Variants in CHRM3 observed in about 807,000 individuals in gnomAD.
CHRM3 encodes cholinergic receptor muscarinic 3, also known as muscarinic acetylcholine receptor M3.
Under a neutral mutation model 41.8 loss-of-function variants are expected in CHRM3, and 11 were observed. The observed-to-expected ratio is 0.26, with a 90% CI of 0.17 to 0.44. The LOEUF is 0.44. CHRM3 is among the 20% of genes least tolerant of loss of function. The pLI is 1.00. For synonymous variants in CHRM3, 297 were observed against 301.4 expected, an observed-to-expected ratio of 0.99 and a Z score of 0.15; for missense variants, 571 against 745.4, an observed-to-expected ratio of 0.77 and a Z score of 2.72.
At chr1:239,696,872 C>T (rs1447530443) in intron 5 of CHRM3, among the ~76,000 whole-genome samples, 1 of 152,184 alleles carries the variant, frequency 6.6e-6, no homozygotes, top group African/African-American at 2.4e-5. Context: ...CCTTTTCGTT[C>T]CCTCTAATTA....
At chr1:239,574,595 C>T (rs1335755826) in intron 3 of CHRM3, among the ~76,000 whole-genome samples, 1 of 152,108 alleles carries the variant, frequency 6.6e-6, no homozygotes, top group Non-Finnish European at 1.5e-5. Context: ...TTGGCATAAT[C>T]AAATTATTCT....
At chr1:239,495,132 C>A (rs997388446) in intron 2 of CHRM3, among the ~76,000 whole-genome samples, 1 of 152,132 alleles carries the variant, frequency 6.6e-6, no homozygotes, top group Non-Finnish European at 1.5e-5. Context: ...TTCTTGAACT[C>A]TATGCTTACA....
intron 6 of CHRM3, among the ~76,000 whole-genome samples, chr1:239,854,334 C>T (rs1371061714): frequency 6.6e-6 from 1 of 152,002 alleles, no homozygotes; most frequent in Non-Finnish European, 1.5e-5. Flanking sequence ...CTATTGAGCT[C>T]CTTTGTGCCA....
chr1:239,739,075 G>A (rs1664626537), intron 5 of CHRM3, among the ~76,000 whole-genome samples: 1 of 152,170 alleles, frequency 6.6e-6, no homozygotes, highest in African/African-American at 2.4e-5. Flanking sequence ...GCTGTTCTGA[G>A]CAGATTCTAT....
intron 5 of CHRM3, among the ~76,000 whole-genome samples, chr1:239,817,892 A>G (rs1054746902): frequency 1.1e-4 from 17 of 152,172 alleles, no homozygotes; most frequent in African/African-American, 3.1e-4. Flanking sequence ...TAGAGAAATG[A>G]CTTTCCTTTC....
chr1:239,894,502 A>G (rs112859166), intron 6 of CHRM3, among the ~76,000 whole-genome samples: 12,900 of 152,148 alleles, frequency 0.085, 590 homozygotes, highest in Non-Finnish European at 0.1. Flanking sequence ...GCACGATCTC[A>G]GCTCACTGCA....
At chr1:239,877,813 C>T (rs534272725) in intron 6 of CHRM3, among the ~76,000 whole-genome samples, 1 of 151,776 alleles carries the variant, frequency 6.6e-6, no homozygotes, top group African/African-American at 2.4e-5. Context: ...GACAATTTTT[C>T]TGTGATGGGG....
rs190017063 is a variant in CHRM3 at position 239,678,224 on chromosome 1, G to A, written c.-211G>A. On this transcript the variant is annotated 5_prime_UTR_variant, in exon 5 of 7. Coordinates refer to ENST00000676153, the MANE Select transcript of CHRM3 (RefSeq NM_001375978.1). ...GTGGCACCTGGTCTCTTTCTAGAAG[G>A]AAAGTTCAACATACAGCACAATTCT... 3.2e-3 allele frequency: 492 copies of A among 152,242 alleles called. 1 individual carries two copies. The highest frequency in any genetic ancestry group is 0.011 in the African/African-American group (471 of 41,512). The allele number at this position is 152,242 out of a possible 1,614,324, so 9.4% of individuals were successfully genotyped here. A position where few individuals can be genotyped will look rare whatever the true frequency, so the allele number is the denominator to read the frequency against.
intron 5 of CHRM3, among the ~76,000 whole-genome samples, chr1:239,786,873 T>C (rs145330621): frequency 3.7e-3 from 563 of 151,798 alleles, no homozygotes; most frequent in Non-Finnish European, 6.2e-3. Context: ...TACCAGGTCA[T>C]GGAAAATCCT....
intron 5 of CHRM3, among the ~76,000 whole-genome samples, chr1:239,816,284 A>G (rs530620446): frequency 6.6e-6 from 1 of 152,296 alleles, no homozygotes; most frequent in South Asian, 2.1e-4. Flanking sequence ...GCCTTTCTTC[A>G]AAGACGTGGT....
At chr1:239,552,977 G>A (rs368100785) in intron 3 of CHRM3, among the ~76,000 whole-genome samples, 1 of 151,898 alleles carries the variant, frequency 6.6e-6, no homozygotes, top group African/African-American at 2.4e-5. Flanking sequence ...AACAATAATG[G>A]CCACCATACC....
At chr1:239,604,664 A>G (rs1001158075) in intron 3 of CHRM3, among the ~76,000 whole-genome samples, 2 of 152,188 alleles carry the variant, frequency 1.3e-5, no homozygotes, top group Non-Finnish European at 2.9e-5. Flanking sequence ...GCTTGCAAAT[A>G]ATCCAAGAGA....
intron 1 of CHRM3, among the ~76,000 whole-genome samples, chr1:239,430,628 A>C (rs1024533721): frequency 6.6e-5 from 10 of 152,022 alleles, no homozygotes; most frequent in Admixed American, 3.3e-4. Flanking sequence ...CTAAAATCAC[A>C]AGATTTTTTC....
intron 6 of CHRM3, among the ~76,000 whole-genome samples, chr1:239,837,543 A>C (rs1673427954): frequency 6.6e-6 from 1 of 152,204 alleles, no homozygotes; most frequent in Admixed American, 6.5e-5. Flanking sequence ...AAACTTAATC[A>C]TTACAATATG....
At chr1:239,833,215 T>A (rs1356792083) in intron 6 of CHRM3, among the ~76,000 whole-genome samples, 1 of 152,192 alleles carries the variant, frequency 6.6e-6, no homozygotes, top group African/African-American at 2.4e-5. Flanking sequence ...ACTTGGTCCC[T>A]CCCTTTAGAA....
At chr1:239,524,430 A>G (rs1024966330) in intron 2 of CHRM3, among the ~76,000 whole-genome samples, 3 of 147,466 alleles carry the variant, frequency 2.0e-5, no homozygotes, top group African/African-American at 5.0e-5. Flanking sequence ...GTGGTAGTTT[A>G]TTTTTTTTTT....
chr1:239,537,763 G>A (rs934789431), intron 2 of CHRM3, among the ~76,000 whole-genome samples: 17 of 151,894 alleles, frequency 1.1e-4, no homozygotes, highest in Non-Finnish European at 4.4e-5. Flanking sequence ...TTTTGCAAAG[G>A]GTCTGTGGTT....
In CHRM3 at chr1:239,674,525, C is replaced by T. The variant is rs542213184; in HGVS notation, c.-249-3661C>T. Among the ~76,000 whole-genome samples, 17 of 151,748 alleles carry T rather than the reference C, an allele frequency of 1.1e-4. No individual in the cohort carries two copies. The South Asian group carries it at 2.7e-3, about 24-fold the overall frequency. The stretch of plus-strand genomic sequence containing the variant: ...GAGATCGAGACCATCCTGGCTAACA[C>T]GGTGAAACCCCATCTCTACTGAAAA... On this transcript the variant is annotated intron_variant, in intron 4 of 6. Transcript: ENST00000676153.
At chr1:239,874,206 T>C (rs1676834273) in intron 6 of CHRM3, among the ~76,000 whole-genome samples, 1 of 147,102 alleles carries the variant, frequency 6.8e-6, no homozygotes, top group Non-Finnish European at 1.5e-5. Context: ...CATAACTTCC[T>C]TGCAGCTTTA....
Sources: gnomAD v4.1 joint callset for allele counts (sites outside exome capture counted in the v4.1 genomes callset) on GRCh38, gnomAD v4.1.1 for gene constraint, MANE v1.5 for transcripts, NCBI Gene and HGNC (gene_info 2026-07-23, HGNC 2026-07-21) for gene names.